The following DGKE variants were observed in gnomAD, a reference collection of about 807,000 sequenced individuals.
DGKE encodes DAG kinase epsilon.
DGKE carries 53 observed loss-of-function variants against 70.0 expected under a neutral mutation model. The ratio of observed to expected loss-of-function variants is 0.76; its 90% CI spans 0.61 to 0.95. The LOEUF (loss-of-function observed/expected upper bound fraction) is 0.95, where lower values mean the gene tolerates loss of function less well. Among genes scored for constraint, DGKE ranks in the 40% least tolerant of loss-of-function variants. The pLI is 0.00. For missense variants in DGKE, 655 were observed against 706.9 expected (o/e 0.93, Z 0.83); for synonymous variants, 291 against 257.0 (o/e 1.13, Z -1.27).
At chr17:56,856,196 T>C (rs1477647982) in intron 7 of DGKE, among the ~76,000 whole-genome samples, 2 of 151,696 alleles carry the variant, frequency 1.3e-5, no homozygotes, top group Non-Finnish European at 2.9e-5. Flanking sequence ...CTGTGATAAA[T>C]GTAAAGAGCA....
At chr17:56,835,777 A>G (rs992971010) in intron 2 of DGKE, 1 of 158,214 alleles carries the variant, frequency 6.3e-6, no homozygotes, top group African/African-American at 2.4e-5. Flanking sequence ...AGAACACTGA[A>G]AGGAATATTC....
Position 56,834,749 on chromosome 17 carries a change from G to A in DGKE, c.-18-29G>A, listed in dbSNP as rs758711515. 1.1e-5 allele frequency: 17 copies of A among 1,530,634 alleles called. No individual in the cohort carries two copies. The Admixed American group carries it at 2.4e-4, about 22-fold the overall frequency. 94.8% of individuals were successfully genotyped at this position (1,530,634 alleles called of 1,614,324 possible). A position where few individuals can be genotyped will look rare whatever the true frequency, so the allele number is the denominator to read the frequency against. On this transcript the variant is annotated intron_variant, in intron 1 of 11. Transcript: ENST00000284061. The stretch of plus-strand genomic sequence containing the variant: ...GGCGGGGAAGGGATGGCGAGCTCGG[G>A]GTGCACCGCCTGTTTCTTTTCTGGT...
chr17:56,858,466 A>G (rs887961332), intron 8 of DGKE, 128 bp from the exon 9 acceptor site: 5 of 697,432 alleles, frequency 7.2e-6, no homozygotes, highest in East Asian at 3.2e-5. Flanking sequence ...TTTCATCAGC[A>G]TCTAGTCTAC....
At chr17:56,860,905 G>A (rs1908250015) in intron 9 of DGKE, among the ~76,000 whole-genome samples, 2 of 152,178 alleles carry the variant, frequency 1.3e-5, no homozygotes, top group South Asian at 2.1e-4. Flanking sequence ...ATATTTGCCT[G>A]GTATTGGATC....
chr17:56,853,935 T>C (rs73327121), intron 7 of DGKE, among the ~76,000 whole-genome samples: 2,486 of 151,690 alleles, frequency 0.016, 64 homozygotes, highest in African/African-American at 0.057. Context: ...GAATGAATGG[T>C]TTTTTTAAGT....
intron 2 of DGKE, among the ~76,000 whole-genome samples, chr17:56,842,071 T>A (rs574132282): frequency 2.6e-5 from 4 of 152,314 alleles, no homozygotes; most frequent in Admixed American, 2.6e-4. Context: ...AAAATTGATA[T>A]ACAAAAAAGT....
In DGKE at chr17:56,856,559, G is replaced by A; in HGVS notation, c.1146G>A (p.Met382Ile). ...TTTCTGTTGGACCTGATGCTCTCAT[G>A]GCTCTCAATTTTCATGCTCATCGTG... ...NYFSVGPDALMALNFHAHREK... is the reference protein window; with the variant it reads ...NYFSVGPDALIALNFHAHREK... Residue 382 changes from methionine (M) to isoleucine (I), a missense_variant, in exon 8 of 12, where the codon ATG becomes ATA. Coordinates refer to ENST00000284061, the MANE Select transcript of DGKE (RefSeq NM_003647.3). The A allele has an allele frequency of 6.2e-7, 1 of 1,613,832 alleles. No homozygotes were observed. Among genetic ancestry groups the A allele is most frequent in the East Asian group, 2.2e-5 (1 of 44,850 alleles).
rs558235169 is a variant in DGKE at position 56,850,113 on chromosome 17, T to C, written c.1098+881T>C. On this transcript the variant is annotated intron_variant, in intron 7 of 11. Transcript: ENST00000284061. The stretch of plus-strand genomic sequence containing the variant: ...GGGGAAAAGAGGGCCAAGAACTACA[T>C]CTTTTCTTTTTTTTTTTTTCTTTTG... Among the ~76,000 whole-genome samples, 13 of 151,826 alleles carry C rather than the reference T, an allele frequency of 8.6e-5. No homozygotes were observed. The East Asian group carries it at 2.5e-3, about 29-fold the overall frequency.
Position 56,834,792 on chromosome 17 carries a change from G to A in DGKE, c.-4G>A. 6.3e-7 allele frequency: 1 copy of A among 1,597,110 alleles called. No homozygotes were observed. Among genetic ancestry groups the A allele is most frequent in the Non-Finnish European group, 8.5e-7 (1 of 1,172,798 alleles). ...TTTCTGGTTAGGTATCGTCCTTGGA[G>A]AAGATGGAAGCGGAGAGGCGGCCGG... On this transcript the variant is annotated 5_prime_UTR_variant, in exon 2 of 12. Coordinates refer to ENST00000284061, the MANE Select transcript of DGKE (RefSeq NM_003647.3).
At position 56,844,113 on chromosome 17, in the gene DGKE, ATTCCACCAAGTT is replaced by A; in HGVS notation, c.560_571del (p.Ile187_Tyr191delinsAsn). The A allele has an allele frequency of 1.3e-6, 2 of 1,588,232 alleles. No homozygotes were observed. The highest frequency in any genetic ancestry group is 8.5e-7 in the Non-Finnish European group (1 of 1,170,936). ...TTTTGGAGAATTCAAAAACCTAATC[ATTCCACCAAGTT>A]ATTTAACATCCATTAATCAGATGCG... On this transcript the variant is annotated inframe_deletion, in exon 3 of 12. Transcript: ENST00000284061.
rs368624469 is a variant in DGKE at position 56,834,982 on chromosome 17, C to T, written c.187C>T (p.Arg63Cys). 1 of 1,612,608 alleles carries T rather than the reference C, an allele frequency of 6.2e-7. No individual in the cohort carries two copies. The highest frequency in any genetic ancestry group is 1.1e-5 in the South Asian group (1 of 91,086). Residue 63 changes from arginine (R) to cysteine (C), a missense_variant, in exon 2 of 12, where the codon CGC becomes TGC. Coordinates refer to ENST00000284061, the MANE Select transcript of DGKE (RefSeq NM_003647.3). ...DIFRKSKHGW[R>C]DTDLFSQPTY... Reference sequence around the variant, plus strand: ...CTTCCGCAAGAGCAAGCACGGGTGGCGCGACACGGACCTGTTCAGCCAGCC... The same window carrying T: ...CTTCCGCAAGAGCAAGCACGGGTGGTGCGACACGGACCTGTTCAGCCAGCC...
At chr17:56,840,939 T>C (rs569784934) in intron 2 of DGKE, among the ~76,000 whole-genome samples, 79 of 150,570 alleles carry the variant, frequency 5.2e-4, no homozygotes, top group African/African-American at 1.8e-3. Context: ...GTGAGCAACA[T>C]AGTGAGACAC....
chr17:56,852,412 C>CA (rs11422991), intron 7 of DGKE, among the ~76,000 whole-genome samples: 98,312 of 141,612 alleles, frequency 0.69, 33,540 homozygotes, highest in East Asian at 0.9. Context: ...GACTCTGTCT[C>CA]AAAAAAAAAA....
At position 56,844,317 on chromosome 17, in the gene DGKE, G is replaced by A. The variant is rs996141412; in HGVS notation, c.624+139G>A. ...TTAAATAACAGATCAAGACCAAGGAGAGAAATAAAATGCTATTATGGTAAG... is the reference window on the plus strand; with the variant it reads ...TTAAATAACAGATCAAGACCAAGGAAAGAAATAAAATGCTATTATGGTAAG... On this transcript the variant is annotated intron_variant, in intron 3 of 11. Transcript: ENST00000284061. 5 of 568,386 alleles carry A rather than the reference G, an allele frequency of 8.8e-6. No individual in the cohort carries two copies. The South Asian group carries it at 3.3e-4, about 37-fold the overall frequency. 35.2% of individuals were successfully genotyped at this position (568,386 alleles called of 1,614,324 possible). A position where few individuals can be genotyped will look rare whatever the true frequency, so the allele number is the denominator to read the frequency against.
chr17:56,865,858 A>G lies in DGKE; in HGVS notation c.*3067A>G, dbSNP rs1437153884. The G allele has an allele frequency of 6.6e-6, 1 of 152,070 alleles. No homozygotes were observed. Among genetic ancestry groups the G allele is most frequent in the Non-Finnish European group, 1.5e-5 (1 of 67,992 alleles). The allele number at this position is 152,070 out of a possible 1,614,324, so 9.4% of individuals were successfully genotyped here. ...GAATTTTAAATTTGCACTAACTTGA[A>G]AACTTTAAAGGTTATACTAATTTAA... On this transcript the variant is annotated 3_prime_UTR_variant, in exon 12 of 12. Transcript: ENST00000284061.
chr17:56,837,832 C>T (rs566616815), intron 2 of DGKE, among the ~76,000 whole-genome samples: 46 of 152,268 alleles, frequency 3.0e-4, no homozygotes, highest in African/African-American at 1.1e-3. Flanking sequence ...AGTTTAAAGC[C>T]TGCAGAATAA....
At chr17:56,837,561 G>A (rs1906707743) in intron 2 of DGKE, among the ~76,000 whole-genome samples, 1 of 152,174 alleles carries the variant, frequency 6.6e-6, no homozygotes, top group Non-Finnish European at 1.5e-5. Context: ...ATATTCTACA[G>A]TGTTCTGAAC....
chr17:56,859,376 A>C (rs1317862346), intron 9 of DGKE, among the ~76,000 whole-genome samples: 1 of 151,934 alleles, frequency 6.6e-6, no homozygotes, highest in African/African-American at 2.4e-5. Flanking sequence ...AAAATAGAAT[A>C]TTAATGATTG....
chr17:56,840,983 G>A (rs999391271), intron 2 of DGKE, among the ~76,000 whole-genome samples: 1 of 152,098 alleles, frequency 6.6e-6, no homozygotes, highest in Non-Finnish European at 1.5e-5. Flanking sequence ...GCCAGACTCG[G>A]TGGCTCACAC....
Sources: allele counts gnomAD v4.1 joint callset (sites outside exome capture counted in the v4.1 genomes callset), GRCh38; gene constraint gnomAD v4.1.1; transcripts MANE v1.5; gene names NCBI Gene and HGNC (gene_info 2026-07-23, HGNC 2026-07-21).